Variants in C8orf34 observed in about 807,000 individuals in gnomAD.
C8orf34 encodes chromosome 8 open reading frame 34, also known as uncharacterized protein C8orf34.
C8orf34 carries 65 observed loss-of-function variants against 68.3 expected under a neutral mutation model. The observed-to-expected ratio is 0.95, with a 90% CI of 0.78 to 1.17. C8orf34 has a LOEUF of 1.17. Ranked by LOEUF, C8orf34 falls within the 50% of genes most tolerant of loss-of-function variation. The probability of loss-of-function intolerance (pLI) is 0.00; values close to 1 mark genes in which losing one functional copy is unlikely to be tolerated. For missense variants in C8orf34, 664 were observed against 655.4 expected (o/e 1.01, Z -0.14); for synonymous variants, 244 against 241.2 (o/e 1.01, Z -0.11).
chr8:68,347,900 G>T (rs76350856), intron 1 of C8orf34, among the ~76,000 whole-genome samples: 1 of 151,516 alleles, frequency 6.6e-6, no homozygotes, highest in Middle Eastern at 3.2e-3. Context: ...TTTTCTCCCC[G>T]CTCTGTAGGT....
chr8:68,599,812 T>C (rs1469954800), intron 7 of C8orf34, among the ~76,000 whole-genome samples: 1 of 152,004 alleles, frequency 6.6e-6, no homozygotes, highest in African/African-American at 2.4e-5. Flanking sequence ...AAAGTTTTGC[T>C]TACCAAATGT....
chr8:68,516,355 G>A (rs975257519), intron 5 of C8orf34, among the ~76,000 whole-genome samples: 1 of 152,168 alleles, frequency 6.6e-6, no homozygotes, highest in Admixed American at 6.5e-5. Context: ...GGGGAGCAAA[G>A]GAGTTTAAGA....
intron 1 of C8orf34, among the ~76,000 whole-genome samples, chr8:68,331,812 T>TTTTTTTA (rs900067417): frequency 8.6e-6 from 1 of 116,382 alleles, no homozygotes; most frequent in Non-Finnish European, 1.8e-5. Context: ...TTTTTTTTTT[T>TTTTTTTA]AATGAGGGCG....
At chr8:68,764,951 C>A (rs1823128730) in intron 10 of C8orf34, among the ~76,000 whole-genome samples, 1 of 152,156 alleles carries the variant, frequency 6.6e-6, no homozygotes, top group African/African-American at 2.4e-5. Flanking sequence ...GAAAGTAACA[C>A]AAAAATAAGA....
intron 1 of C8orf34, among the ~76,000 whole-genome samples, chr8:68,429,907 TC>T (rs1244218167): frequency 6.6e-6 from 1 of 152,178 alleles, no homozygotes; most frequent in Non-Finnish European, 1.5e-5. Flanking sequence ...TGTCCCTAGT[TC>T]CTGACACGTA....
intron 5 of C8orf34, among the ~76,000 whole-genome samples, chr8:68,505,184 G>A (rs1813953609): frequency 6.6e-6 from 1 of 151,974 alleles, no homozygotes; most frequent in South Asian, 2.1e-4. Flanking sequence ...TTCACATCTT[G>A]GCCATCATTT....
chr8:68,502,271 A>G (rs868518639), intron 5 of C8orf34, among the ~76,000 whole-genome samples: 1 of 152,128 alleles, frequency 6.6e-6, no homozygotes, highest in African/African-American at 2.4e-5. Context: ...TCACCATTTC[A>G]CATTGAGAGG....
At chr8:68,638,431 G>C (rs531537552) in intron 7 of C8orf34, among the ~76,000 whole-genome samples, 1 of 151,546 alleles carries the variant, frequency 6.6e-6, no homozygotes, top group Non-Finnish European at 1.5e-5. Context: ...CTTGATTAAG[G>C]CTGCTTCTTT....
chr8:68,461,887 C>A (rs542886592), intron 3 of C8orf34, among the ~76,000 whole-genome samples: 2 of 152,224 alleles, frequency 1.3e-5, no homozygotes, highest in East Asian at 1.9e-4. Context: ...CATCAACTAA[C>A]GAGCAAAATA....
At chr8:68,745,301 C>A (rs536178135) in intron 10 of C8orf34, among the ~76,000 whole-genome samples, 1 of 151,994 alleles carries the variant, frequency 6.6e-6, no homozygotes, top group East Asian at 1.9e-4. Flanking sequence ...TAAAGACCAT[C>A]GAGACTAGGA....
Position 68,401,966 on chromosome 8 carries a change from G to A in C8orf34, c.328-37533G>A, listed in dbSNP as rs115011886. Among the ~76,000 whole-genome samples, 643 of 151,834 alleles carry A rather than the reference G, an allele frequency of 4.2e-3. 3 individuals are homozygous for A. The highest frequency in any genetic ancestry group is 0.015 in the African/African-American group (606 of 41,434). ...GAGAATTCCCTCCTCCTTGATTTTT[G>A]GAACAGTTTCAGGATGACTTGTATT... On this transcript the variant is annotated intron_variant, in intron 1 of 13. Coordinates refer to ENST00000518698, the MANE Select transcript of C8orf34 (RefSeq NM_052958.4).
At chr8:68,515,689 G>A (rs917276422) in intron 5 of C8orf34, among the ~76,000 whole-genome samples, 2 of 152,150 alleles carry the variant, frequency 1.3e-5, no homozygotes, top group Non-Finnish European at 2.9e-5. Flanking sequence ...GTATTGACTA[G>A]TAAGATGCAG....
At chr8:68,743,721 T>C (rs1184344724) in intron 10 of C8orf34, among the ~76,000 whole-genome samples, 1 of 152,220 alleles carries the variant, frequency 6.6e-6, no homozygotes, top group African/African-American at 2.4e-5. Context: ...CGCACCTGGC[T>C]CGGAGGGTCC....
At chr8:68,645,533 G>A (rs16934819) in intron 8 of C8orf34, among the ~76,000 whole-genome samples, 1,847 of 152,186 alleles carry the variant, frequency 0.012, 37 homozygotes, top group African/African-American at 0.043. Context: ...TCAGTGAAAC[G>A]TGTGAAGTGG....
At chr8:68,817,788 T>C (rs569672055) in intron 13 of C8orf34, among the ~76,000 whole-genome samples, 104 of 152,198 alleles carry the variant, frequency 6.8e-4, no homozygotes, top group Non-Finnish European at 1.1e-3. Context: ...CTTACAATCA[T>C]GGCAGAAGGC....
intron 10 of C8orf34, among the ~76,000 whole-genome samples, chr8:68,724,668 C>T (rs942886235): frequency 5.9e-5 from 9 of 152,114 alleles, no homozygotes. Context: ...ACAGCCTATG[C>T]AGGTTAAAAC....
intron 1 of C8orf34, among the ~76,000 whole-genome samples, chr8:68,386,887 C>T (rs1178106265): frequency 4.6e-5 from 7 of 151,908 alleles, no homozygotes; most frequent in Admixed American, 1.3e-4. Context: ...CTCCCCCAGC[C>T]GTGACAATGA....
At chr8:68,338,693 G>A (rs62521783) in intron 1 of C8orf34, among the ~76,000 whole-genome samples, 6,566 of 152,014 alleles carry the variant, frequency 0.043, 361 homozygotes, top group African/African-American at 0.13. Context: ...GTTGTATTCC[G>A]TATGGCTATG....
At chr8:68,817,302 A>T (rs1033901971) in intron 13 of C8orf34, among the ~76,000 whole-genome samples, 2 of 152,184 alleles carry the variant, frequency 1.3e-5, no homozygotes, top group Admixed American at 6.5e-5. Context: ...AAGAGAAAGT[A>T]ATGTCTAAGG....
Sources: allele counts gnomAD v4.1 joint callset (sites outside exome capture counted in the v4.1 genomes callset), GRCh38; gene constraint gnomAD v4.1.1; transcripts MANE v1.5; gene names NCBI Gene and HGNC (gene_info 2026-07-23, HGNC 2026-07-21).